Variants in PALB2 observed in about 807,000 individuals in gnomAD.
PALB2 encodes the protein mutant partner and localizer of BRCA2.
In PALB2, 82 loss-of-function variants were observed where a neutral mutation model predicts 107.4. The ratio of observed to expected loss-of-function variants is 0.76; its 90% confidence interval spans 0.64 to 0.92. The LOEUF is 0.92. Among genes scored for constraint, PALB2 ranks in the 40% least tolerant of loss-of-function variants. The pLI, the probability that PALB2 is intolerant of heterozygous loss-of-function variation, is 0.00. For synonymous variants in PALB2, 489 were observed against 496.8 expected, an observed-to-expected ratio of 0.98 and a Z score of 0.21; for missense variants, 1,374 against 1,379.9, an observed-to-expected ratio of 1.00 and a Z score of 0.07.
At chr16:23,634,566 C>G (rs550048546) in intron 4 of PALB2, among the ~76,000 whole-genome samples, 14 of 152,278 alleles carry the variant, frequency 9.2e-5, no homozygotes, top group African/African-American at 2.9e-4. Flanking sequence ...GCAGGAGGAA[C>G]ATTTGAGCCC....
intron 11 of PALB2, among the ~76,000 whole-genome samples, chr16:23,609,842 G>A (rs1411414248): frequency 6.6e-6 from 1 of 151,876 alleles, no homozygotes; most frequent in African/African-American, 2.4e-5. Flanking sequence ...GGGGGGATAG[G>A]GTCTCACTGT....
At chr16:23,623,946 T>G in intron 8 of PALB2, 63 bp downstream of exon 8, 1 of 1,192,986 alleles carries the variant, frequency 8.4e-7, no homozygotes, top group Middle Eastern at 1.9e-4. Context: ...TTACCTGCAC[T>G]TAAAACCAGC....
rs1966843072 is a variant in PALB2, at chr16:23,626,476, A to G, written c.2587-79T>C. The G allele has an allele frequency of 1.5e-5, 23 of 1,522,854 alleles. No homozygotes were observed. In the South Asian group the frequency reaches 2.6e-4, roughly 17 times the overall value. 94.3% of individuals were successfully genotyped at this position (1,522,854 alleles called of 1,614,324 possible). A position where few individuals can be genotyped will look rare whatever the true frequency, so the allele number is the denominator to read the frequency against. Reference sequence around the variant, plus strand: ...AAAGCATAAGTATGCAAAGTGATGAATTATAATTCAATGAAACAGTAGGTA... The same window carrying G: ...AAAGCATAAGTATGCAAAGTGATGAGTTATAATTCAATGAAACAGTAGGTA... On this transcript the variant is annotated intron_variant, in intron 6 of 12. Coordinates refer to ENST00000261584, the MANE Select transcript of PALB2 (RefSeq NM_024675.4).
At position 23,627,218 on chromosome 16, in the gene PALB2, T is replaced by G. The variant is rs1432231760; in HGVS notation, c.2587-821A>C. Among the ~76,000 whole-genome samples the G allele has an allele frequency of 2.0e-5, 3 of 151,780 alleles. No individual in the cohort carries two copies. In the East Asian group the frequency reaches 5.8e-4, roughly 29 times the overall value. On this transcript the variant is annotated intron_variant, in intron 6 of 12. Transcript: ENST00000261584. Reference sequence around the variant, plus strand: ...AAATCATAATCACGGCCGGGCGCGGTGGCTCACGCCTGTAATCCCAGCACT... The same window carrying G: ...AAATCATAATCACGGCCGGGCGCGGGGGCTCACGCCTGTAATCCCAGCACT...
rs2142410765 is a variant in PALB2 at position 23,634,921 on chromosome 16, G to A, written c.1625C>T (p.Ser542Phe). Residue 542 changes from serine (S) to phenylalanine (F), a missense_variant, in exon 4 of 13, where the codon TCC (serine) becomes TTC (phenylalanine). By Grantham distance (155) the Ser-to-Phe change is radical. Transcript: ENST00000261584. ...TTTGTGTGAGGTGACTTCTTCCTTG[G>A]ACCTGTTAACAATCGACAGGCTAGA... Reference protein sequence around the residue: ...PTSSLSIVNRSKEEVTSHKYQ... With the variant: ...PTSSLSIVNRFKEEVTSHKYQ... 1 of 1,614,016 alleles carries A rather than the reference G, an allele frequency of 6.2e-7. No homozygotes were observed. The highest frequency in any genetic ancestry group is 8.5e-7 in the Non-Finnish European group (1 of 1,180,008).
chr16:23,616,293 A>G (rs1005869804), intron 10 of PALB2, among the ~76,000 whole-genome samples: 2 of 152,284 alleles, frequency 1.3e-5, no homozygotes, highest in Middle Eastern at 3.4e-3. Flanking sequence ...TTGGTATGCA[A>G]TATACTACTG....
rs116577988 is a variant in PALB2 at position 23,637,684 on chromosome 16, A to G, written c.211+166T>C. On this transcript the variant is annotated intron_variant, in intron 3 of 12. Transcript: ENST00000261584. ...TGTGCCACTGCACTCCAGCCTGGGTAACAAAGAGTGAGACTCTGTCTCAAA... is the reference window on the plus strand; with the variant it reads ...TGTGCCACTGCACTCCAGCCTGGGTGACAAAGAGTGAGACTCTGTCTCAAA... Among the ~76,000 whole-genome samples the G allele has an allele frequency of 0.035, 5,297 of 152,284 alleles. 133 individuals are homozygous for G. The highest frequency in any genetic ancestry group is 0.092 in the Middle Eastern group (27 of 294).
chr16:23,606,892 G>A (rs190404890), intron 12 of PALB2, among the ~76,000 whole-genome samples: 179 of 143,028 alleles, frequency 1.3e-3, no homozygotes, highest in African/African-American at 4.6e-3. Flanking sequence ...CACGATCTCG[G>A]CTCACTGCAA....
At chr16:23,616,582 C>T (rs994328438) in intron 10 of PALB2, among the ~76,000 whole-genome samples, 3 of 152,076 alleles carry the variant, frequency 2.0e-5, no homozygotes, top group Non-Finnish European at 4.4e-5. Flanking sequence ...TATTTACCTA[C>T]TAGATTATAG....
At chr16:23,621,988 T>A (rs1966781438) in intron 9 of PALB2, among the ~76,000 whole-genome samples, 1 of 152,206 alleles carries the variant, frequency 6.6e-6, no homozygotes, top group African/African-American at 2.4e-5. Context: ...CTTCTTCCCA[T>A]CTCCACTAAC....
chr16:23,633,721 TGA>T (rs1021341795), intron 4 of PALB2, among the ~76,000 whole-genome samples: 2 of 152,090 alleles, frequency 1.3e-5, no homozygotes, highest in Admixed American at 6.6e-5. Flanking sequence ...TGTTTTTTTT[TGA>T]GAGAGGGTTT....
intron 6 of PALB2, 33 bp from the exon 7 acceptor site, chr16:23,626,430 C>T (rs1966842984): frequency 6.2e-7 from 1 of 1,613,106 alleles, no homozygotes; most frequent in Middle Eastern, 1.7e-4. Context: ...GTTAAAGTGG[C>T]ACTCGAGTGC....
At chr16:23,613,086 A>C (rs1397571493) in intron 11 of PALB2, among the ~76,000 whole-genome samples, 1 of 152,072 alleles carries the variant, frequency 6.6e-6, no homozygotes, top group Non-Finnish European at 1.5e-5. Flanking sequence ...TTATGTGCAC[A>C]AAGTATATAA....
rs864622280 is a variant in PALB2 at position 23,636,005 on chromosome 16, C to T, written c.541G>A (p.Glu181Lys). ...CTAGCAGGATTTTTGCTACTGATTTCTTCCTGTTCCTTTAGTCTTTTCCCA... is the reference window on the plus strand; with the variant it reads ...CTAGCAGGATTTTTGCTACTGATTTTTTCCTGTTCCTTTAGTCTTTTCCCA... ...LSGKRLKEQE[E>K]ISSKNPARSP... The change falls in exon 4 of 13, where the codon GAA becomes AAA. Residue 181 changes from glutamate to lysine, a missense_variant. By Grantham distance (56) the Glu-to-Lys change is moderately conservative. Transcript: ENST00000261584. The T allele has an allele frequency of 6.2e-7, 1 of 1,614,112 alleles. No homozygotes were observed. Among genetic ancestry groups the T allele is most frequent in the Non-Finnish European group, 8.5e-7 (1 of 1,180,022 alleles).
intron 6 of PALB2, 141 bp from the exon 7 acceptor site, chr16:23,626,538 G>A (rs1966843182): frequency 1.1e-6 from 1 of 901,176 alleles, no homozygotes; most frequent in African/African-American, 1.7e-5. Flanking sequence ...AAAAGAAAGA[G>A]CTTTGTGGTT....
In PALB2 at chr16:23,630,563, T is replaced by G. The variant is rs1046668401; in HGVS notation, c.1685-94A>C. ...GACAAAGAGAATAGGATCTCCTAGA[T>G]TTAAAAGAAACATTTTAATGAACCT... On this transcript the variant is annotated intron_variant, in intron 4 of 12. Transcript: ENST00000261584. 49 of 1,025,136 alleles carry G rather than the reference T, an allele frequency of 4.8e-5. No homozygotes were observed. In the Middle Eastern group the frequency reaches 1.0e-3, roughly 21 times the overall value. The allele number at this position is 1,025,136 out of a possible 1,614,324, so 63.5% of individuals were successfully genotyped here.
intron 4 of PALB2, among the ~76,000 whole-genome samples, chr16:23,632,137 T>G (rs538046298): frequency 6.6e-6 from 1 of 152,272 alleles, no homozygotes; most frequent in South Asian, 2.1e-4. Flanking sequence ...AACAGAAACA[T>G]ACCTTAAAAA....
At chr16:23,621,262 C>T in intron 10 of PALB2, 100 bp downstream of exon 10, 1 of 837,654 alleles carries the variant, frequency 1.2e-6, no homozygotes, top group Non-Finnish European at 2.0e-6. Flanking sequence ...ATCATGTTTA[C>T]ACATACTCTC....
chr16:23,612,176 C>CA (rs1966598778), intron 11 of PALB2, among the ~76,000 whole-genome samples: 1 of 152,184 alleles, frequency 6.6e-6, no homozygotes, highest in Non-Finnish European at 1.5e-5. Context: ...TACTCCTAGA[C>CA]AACTACTTTC....
Sources: allele counts gnomAD v4.1 joint callset (sites outside exome capture counted in the v4.1 genomes callset), GRCh38; gene constraint gnomAD v4.1.1; transcripts MANE v1.5; gene names NCBI Gene and HGNC (gene_info 2026-07-23, HGNC 2026-07-21).